The following PPARGC1B variants were observed in gnomAD, a reference collection of about 807,000 sequenced individuals.
PPARGC1B encodes peroxisome proliferator-activated receptor gamma coactivator 1-beta.
Under a neutral mutation model 101.6 loss-of-function variants are expected in PPARGC1B, and 34 were observed. The ratio of observed to expected loss-of-function variants is 0.33; its 90% CI spans 0.25 to 0.45. The LOEUF is 0.45. PPARGC1B is among the 20% of genes least tolerant of loss of function. The pLI is 1.00. For missense variants in PPARGC1B, 1,234 were observed against 1,317.6 expected, an observed-to-expected ratio of 0.94 and a Z score of 0.98; for synonymous variants, 548 against 539.3, an observed-to-expected ratio of 1.02 and a Z score of -0.22.
chr5:149,804,986 G>A (rs1450699620), intron 1 of PPARGC1B, among the ~76,000 whole-genome samples: 1 of 152,214 alleles, frequency 6.6e-6, no homozygotes, highest in African/African-American at 2.4e-5. Flanking sequence ...GTTTTCAGCA[G>A]GAGAGTGAGC....
chr5:149,789,268 A>G (rs1013743299), intron 1 of PPARGC1B, among the ~76,000 whole-genome samples: 4 of 152,194 alleles, frequency 2.6e-5, no homozygotes, highest in South Asian at 2.1e-4. Flanking sequence ...GAATCAACTG[A>G]ACAAATGAGG....
Position 149,730,937 on chromosome 5 carries a change from C to T in PPARGC1B, c.78+517C>T, listed in dbSNP as rs535285211. The stretch of plus-strand genomic sequence containing the variant: ...CGGCTTTCTACCCGCGCCCGCAGCG[C>T]GGAGTTTCCTGCCAGTTGCCGGCTA... On this transcript the variant is annotated intron_variant, in intron 1 of 11. Transcript: ENST00000309241. The surrounding 1 kb of genome is among the most constrained non-coding windows in gnomAD (Gnocchi z 4.0). Among the ~76,000 whole-genome samples, 2 of 152,358 alleles carry T rather than the reference C, an allele frequency of 1.3e-5. No individual in the cohort carries two copies. The highest frequency in any genetic ancestry group is 6.5e-5 in the Admixed American group (1 of 15,312).
At chr5:149,746,762 C>T (rs1186051375) in intron 1 of PPARGC1B, among the ~76,000 whole-genome samples, 1 of 152,138 alleles carries the variant, frequency 6.6e-6, no homozygotes, top group African/African-American at 2.4e-5. Context: ...TCTAACACTT[C>T]CTGTTTTCTG....
At position 149,820,530 on chromosome 5, in the gene PPARGC1B, G is replaced by A; in HGVS notation, c.176G>A (p.Gly59Glu). 6.2e-7 allele frequency: 1 copy of A among 1,614,020 alleles called. No homozygotes were observed. Among genetic ancestry groups the A allele is most frequent in the Non-Finnish European group, 8.5e-7 (1 of 1,180,024 alleles). ...ASDFDSATCF[G>E]ELQWCPENSE... ...GACTTTGACTCGGCCACCTGCTTTG[G>A]GGAGCTGCAGTGGTGCCCAGAGAAC... Residue 59 changes from glycine (G) to glutamate (E), a missense_variant, in exon 2 of 12, where the codon GGG (glycine) becomes GAG (glutamate). Gly to Glu is a moderately conservative substitution (Grantham distance 98). This residue lies in a region of PPARGC1B where 734 missense variants were observed against 768.4 expected (regional missense o/e 0.96). Transcript: ENST00000309241.
intron 1 of PPARGC1B, among the ~76,000 whole-genome samples, chr5:149,810,491 A>T (rs368059472): frequency 8.6e-5 from 13 of 151,954 alleles, no homozygotes; most frequent in African/African-American, 3.1e-4. Context: ...GAGCTGCCTC[A>T]CCCCAGGTCA....
chr5:149,755,615 G>GTTATTA lies in PPARGC1B; in HGVS notation c.78+25222_78+25227dup, dbSNP rs142788730. The stretch of plus-strand genomic sequence containing the variant: ...TGTTGTTGTTATTATTATTATTATT[G>GTTATTA]TTATTATTATTATTATTATTATTAT... On this transcript the variant is annotated intron_variant, in intron 1 of 11. Coordinates refer to ENST00000309241, the MANE Select transcript of PPARGC1B (RefSeq NM_133263.4). Among the ~76,000 whole-genome samples the GTTATTA allele has an allele frequency of 6.9e-4, 94 of 137,140 alleles. 1 individual carries two copies. The highest frequency in any genetic ancestry group is 2.4e-3 in the African/African-American group (89 of 36,444). The allele number at this position is 137,140 out of a possible 152,430, so 90.0% of individuals were successfully genotyped here. A position where few individuals can be genotyped will look rare whatever the true frequency, so the allele number is the denominator to read the frequency against.
At chr5:149,830,401 A>G (rs965239888) in intron 3 of PPARGC1B, among the ~76,000 whole-genome samples, 1 of 151,038 alleles carries the variant, frequency 6.6e-6, no homozygotes, top group Non-Finnish European at 1.5e-5. Flanking sequence ...GATTGTGTGT[A>G]TGTGTGTGTG....
chr5:149,756,839 G>A (rs760769366), intron 1 of PPARGC1B, among the ~76,000 whole-genome samples: 7 of 152,150 alleles, frequency 4.6e-5, no homozygotes, highest in Non-Finnish European at 8.8e-5. Flanking sequence ...TAGGGGTGTG[G>A]TATGTGTCTT....
chr5:149,778,436 G>A (rs536350617), intron 1 of PPARGC1B, among the ~76,000 whole-genome samples: 40 of 152,042 alleles, frequency 2.6e-4, no homozygotes, highest in African/African-American at 9.4e-4. Flanking sequence ...AAGCAGAAGC[G>A]GGGCTCTTGG....
At chr5:149,739,186 T>C (rs1330461501) in intron 1 of PPARGC1B, among the ~76,000 whole-genome samples, 1 of 152,184 alleles carries the variant, frequency 6.6e-6, no homozygotes, top group Non-Finnish European at 1.5e-5. Context: ...TGAATCCCCA[T>C]CCCTCCATCA....
chr5:149,745,124 C>A (rs1229030995), intron 1 of PPARGC1B, among the ~76,000 whole-genome samples: 1 of 152,044 alleles, frequency 6.6e-6, no homozygotes, highest in Non-Finnish European at 1.5e-5. Context: ...TGGTCTCGAA[C>A]TCCTAGGCTC....
At chr5:149,790,971 G>C (rs1000051474) in intron 1 of PPARGC1B, among the ~76,000 whole-genome samples, 3 of 152,184 alleles carry the variant, frequency 2.0e-5, no homozygotes, top group African/African-American at 7.2e-5. Context: ...GGTGGTAAGA[G>C]AACCAAACTG....
At chr5:149,761,119 A>G (rs1755701565) in intron 1 of PPARGC1B, among the ~76,000 whole-genome samples, 1 of 152,168 alleles carries the variant, frequency 6.6e-6, no homozygotes, top group South Asian at 2.1e-4. Flanking sequence ...TAAACTTGAC[A>G]AATAAAAACT....
chr5:149,732,041 CGCGG>C (rs1397295239), intron 1 of PPARGC1B, among the ~76,000 whole-genome samples: 1 of 94,200 alleles, frequency 1.1e-5, no homozygotes, highest in African/African-American at 4.3e-5. Context: ...GGGTTGCGCG[CGCGG>C]GTGTGTGTGT....
intron 1 of PPARGC1B, among the ~76,000 whole-genome samples, chr5:149,734,853 C>T (rs1451329468): frequency 6.6e-6 from 1 of 152,200 alleles, no homozygotes; most frequent in Non-Finnish European, 1.5e-5. Flanking sequence ...TGATGCTAAA[C>T]TTCTTCCCCA....
At position 149,833,648 on chromosome 5, in the gene PPARGC1B, C is replaced by G; in HGVS notation, c.1575C>G (p.Pro525=). ...ACGTAGAGCGGGAGCTGGGCAGCCC[C>G]ACGGACGAGGACAGTGGCCAAGACC... The part of the protein sequence containing the change: ...AYDVERELGS[P]TDEDSGQDQQ... The change falls in exon 5 of 12, where the codon CCC becomes CCG. Residue 525 remains proline (P), a synonymous_variant. Transcript: ENST00000309241. This position sits in a 1 kb window ranked among gnomAD's most constrained non-coding sequence, Gnocchi z 4.1. 4 of 1,610,086 alleles carry G rather than the reference C, an allele frequency of 2.5e-6. No homozygotes were observed. Among genetic ancestry groups the G allele is most frequent in the Non-Finnish European group, 3.4e-6 (4 of 1,178,470 alleles).
intron 1 of PPARGC1B, among the ~76,000 whole-genome samples, chr5:149,816,860 CCCA>C (rs1484977131): frequency 6.6e-6 from 1 of 152,240 alleles, no homozygotes; most frequent in African/African-American, 2.4e-5. Context: ...ACCTCCCCAA[CCCA>C]CCACCTGTCC....
At chr5:149,857,595 T>G (rs1183382469), downstream of PPARGC1B, among the ~76,000 whole-genome samples, 8 of 152,204 alleles carry the variant, frequency 5.3e-5, no homozygotes, top group South Asian at 2.1e-4. Context: ...TTTGGGAGTT[T>G]AAAGATGCAA....
chr5:149,757,764 G>A (rs968939210), intron 1 of PPARGC1B, among the ~76,000 whole-genome samples: 2 of 152,204 alleles, frequency 1.3e-5, no homozygotes, highest in African/African-American at 4.8e-5. Context: ...TGGAAAGGCG[G>A]GGCCCCTGGC....
Sources: allele counts gnomAD v4.1 joint callset (sites outside exome capture counted in the v4.1 genomes callset), GRCh38; gene constraint gnomAD v4.1.1; regional missense constraint gnomAD v4.1.1; non-coding constraint Gnocchi (gnomAD v3.1); transcripts MANE v1.5; gene names NCBI Gene and HGNC (gene_info 2026-07-23, HGNC 2026-07-21).